The following FIP1L1 variants were observed in gnomAD, a reference collection of about 807,000 sequenced individuals.
FIP1L1 encodes factor interacting with PAPOLA and CPSF1.
FIP1L1 carries 21 observed loss-of-function variants against 84.6 expected under a neutral mutation model. The observed-to-expected ratio is 0.25, with a 90% CI of 0.18 to 0.36. The LOEUF is 0.36. Among genes scored for constraint, FIP1L1 ranks in the 10% least tolerant of loss-of-function variants. The pLI is 1.00. For synonymous variants in FIP1L1, 263 were observed against 242.3 expected, an observed-to-expected ratio of 1.09 and a Z score of -0.80; for missense variants, 526 against 751.1, an observed-to-expected ratio of 0.70 and a Z score of 3.50.
intron 9 of FIP1L1, among the ~76,000 whole-genome samples, chr4:53,392,930 T>C (rs1385758504): frequency 6.6e-6 from 1 of 152,220 alleles, no homozygotes; most frequent in Non-Finnish European, 1.5e-5. Flanking sequence ...CTTGATAGTG[T>C]GTTTAAATAC....
At chr4:53,386,560 A>G (rs1285742398) in intron 5 of FIP1L1, among the ~76,000 whole-genome samples, 4 of 152,244 alleles carry the variant, frequency 2.6e-5, no homozygotes, top group Admixed American at 2.6e-4. Flanking sequence ...AAAAGCCTAC[A>G]GGTGTTGAAG....
intron 13 of FIP1L1, among the ~76,000 whole-genome samples, chr4:53,433,334 CTA>C (rs1172385821): frequency 6.6e-6 from 1 of 152,196 alleles, no homozygotes; most frequent in Non-Finnish European, 1.5e-5. Context: ...CTTTTTGTCT[CTA>C]TGAGTTTCCT....
At chr4:53,421,025 C>T (rs1762196587) in intron 11 of FIP1L1, among the ~76,000 whole-genome samples, 1 of 151,966 alleles carries the variant, frequency 6.6e-6, no homozygotes, top group South Asian at 2.1e-4. Context: ...ATGCTGGGTC[C>T]CAGAAATGTA....
chr4:53,448,747 C>G (rs1173002912), intron 15 of FIP1L1, among the ~76,000 whole-genome samples: 3 of 152,140 alleles, frequency 2.0e-5, no homozygotes, highest in Non-Finnish European at 4.4e-5. Flanking sequence ...GTGTGGAATT[C>G]ATACCTTTAC....
chr4:53,406,993 TTGTG>T (rs1753922717), intron 10 of FIP1L1, among the ~76,000 whole-genome samples: 1 of 152,224 alleles, frequency 6.6e-6, no homozygotes, highest in Non-Finnish European at 1.5e-5. Context: ...GAAGGGTTTT[TTGTG>T]TCTCTATTTT....
At chr4:53,433,581 T>C (rs1366118082) in intron 13 of FIP1L1, among the ~76,000 whole-genome samples, 1 of 152,180 alleles carries the variant, frequency 6.6e-6, no homozygotes, top group Non-Finnish European at 1.5e-5. Context: ...CTCATTTGTT[T>C]TTGTATGAAC....
chr4:53,398,496 T>C (rs1258325160), intron 9 of FIP1L1, among the ~76,000 whole-genome samples: 1 of 152,178 alleles, frequency 6.6e-6, no homozygotes, highest in Non-Finnish European at 1.5e-5. Context: ...TGGAATTGAA[T>C]TGGTGGTTCA....
At chr4:53,438,021 G>A (rs938939479) in intron 13 of FIP1L1, among the ~76,000 whole-genome samples, 18 of 151,978 alleles carry the variant, frequency 1.2e-4, no homozygotes, top group African/African-American at 3.9e-4. Flanking sequence ...CACCGCGCCC[G>A]GCCTATGTTC....
intron 13 of FIP1L1, among the ~76,000 whole-genome samples, chr4:53,438,661 TTGTC>T (rs1254950561): frequency 2.0e-5 from 3 of 152,208 alleles, no homozygotes; most frequent in Admixed American, 1.3e-4. Context: ...TAGATTATTT[TTGTC>T]TGTCCTATGA....
chr4:53,378,965 CTTAAAT>C (rs1736286084), intron 1 of FIP1L1, 102 bp from the exon 2 acceptor site: 1 of 1,109,254 alleles, frequency 9.0e-7, no homozygotes, highest in South Asian at 1.4e-5. Context: ...TTCATTACCT[CTTAAAT>C]TTAAGCTTAT....
intron 13 of FIP1L1, among the ~76,000 whole-genome samples, chr4:53,429,317 G>A (rs1401752712): frequency 6.6e-6 from 1 of 151,710 alleles, no homozygotes; most frequent in East Asian, 2.0e-4. Context: ...GACAACATTA[G>A]TATTTCTAAT....
intron 13 of FIP1L1, among the ~76,000 whole-genome samples, chr4:53,433,431 T>C (rs1233275830): frequency 1.3e-5 from 2 of 152,234 alleles, no homozygotes; most frequent in Non-Finnish European, 2.9e-5. Flanking sequence ...TAGAATTTAA[T>C]TAATGATTGT....
At chr4:53,420,852 G>A (rs13128666) in intron 11 of FIP1L1, among the ~76,000 whole-genome samples, 1 of 152,082 alleles carries the variant, frequency 6.6e-6, no homozygotes, top group East Asian at 1.9e-4. Context: ...TGATGGATAT[G>A]ACTTTAAATT....
At chr4:53,378,846 G>C (rs1736200502) in intron 1 of FIP1L1, 6 of 547,890 alleles carry the variant, frequency 1.1e-5, no homozygotes, top group Non-Finnish European at 1.9e-5. Context: ...TTGATGATGT[G>C]ACTTTGATAA....
intron 3 of FIP1L1, among the ~76,000 whole-genome samples, chr4:53,381,874 T>C (rs1738248163): frequency 6.7e-6 from 1 of 149,766 alleles, no homozygotes; most frequent in East Asian, 2.0e-4. Flanking sequence ...AGCAATTGTC[T>C]GCTTCAGCCT....
rs1278337500 is a variant in FIP1L1 at position 53,377,885 on chromosome 4, G to C, written c.47G>C (p.Gly16Ala). The change falls in exon 1 of 18, where the codon GGG becomes GCG. Residue 16 changes from glycine to alanine, a missense_variant. This residue lies in a region of FIP1L1 where 100 missense variants were observed against 107.2 expected (regional missense o/e 0.93). Coordinates refer to ENST00000337488, the MANE Select transcript of FIP1L1 (RefSeq NM_030917.4). ...VERLVSELSG[G>A]TGGDEEEEWL... ...CGCCTAGTGTCGGAGCTGAGCGGCG[G>C]GACCGGAGGGGATGAGGAGGAAGAG... is the stretch of plus-strand genomic sequence containing the variant. 1.2e-6 allele frequency: 2 copies of C among 1,601,202 alleles called. No homozygotes were observed. The highest frequency in any genetic ancestry group is 1.7e-6 in the Non-Finnish European group (2 of 1,173,900).
At position 53,428,260 on chromosome 4, in the gene FIP1L1, A is replaced by G. The variant is rs182416046; in HGVS notation, c.1174+77A>G. ...TTTTTTAAAATTTTTGACAATTAAA[A>G]TAATATCTTGATCACATTTCATTAA... is the stretch of plus-strand genomic sequence containing the variant. On this transcript the variant is annotated intron_variant, in intron 13 of 17. Coordinates refer to ENST00000337488, the MANE Select transcript of FIP1L1 (RefSeq NM_030917.4). 5.8e-6 allele frequency: 8 copies of G among 1,373,102 alleles called. No homozygotes were observed. The East Asian group carries it at 1.9e-4, about 32-fold the overall frequency. The allele number at this position is 1,373,102 out of a possible 1,614,324, so 85.1% of individuals were successfully genotyped here. A position where few individuals can be genotyped will look rare whatever the true frequency, so the allele number is the denominator to read the frequency against.
At chr4:53,422,454 A>G (rs935640444) in intron 11 of FIP1L1, among the ~76,000 whole-genome samples, 1 of 151,888 alleles carries the variant, frequency 6.6e-6, no homozygotes, top group Non-Finnish European at 1.5e-5. Flanking sequence ...TTTTCTGTTT[A>G]TTCTCATTTG....
Position 53,381,753 on chromosome 4 carries a change from C to CTTTTTTTTTTTT in FIP1L1, c.171-512_171-501dup, listed in dbSNP as rs531488760. On this transcript the variant is annotated intron_variant, in intron 3 of 17. Transcript: ENST00000337488. ...AATAAACTGTGAAGGCATTTGCATT[C>CTTTTTTTTTTTT]TTTTTTTTTTTTTTTTTTTTTTTTG... 3.0e-3 allele frequency among the ~76,000 whole-genome samples: 261 copies of CTTTTTTTTTTTT among 87,936 alleles called. 46 individuals are homozygous for CTTTTTTTTTTTT. Among genetic ancestry groups the CTTTTTTTTTTTT allele is most frequent in the African/African-American group, 0.013 (240 of 18,026 alleles). The allele number at this position is 87,936 out of a possible 152,430, so 57.7% of individuals were successfully genotyped here.
Sources: gnomAD v4.1 joint callset for allele counts (sites outside exome capture counted in the v4.1 genomes callset) on GRCh38, gnomAD v4.1.1 for gene constraint, gnomAD v4.1.1 regional missense constraint, MANE v1.5 for transcripts, NCBI Gene and HGNC (gene_info 2026-07-23, HGNC 2026-07-21) for gene names.